The following HNRNPA3 variants were observed in gnomAD, a reference collection of about 807,000 sequenced individuals.
HNRNPA3 encodes heterogeneous nuclear ribonucleoprotein A3.
A neutral mutation model predicts 45.8 loss-of-function variants in HNRNPA3; 3 were observed. That is an observed-to-expected ratio of 0.07 (90% CI 0.03 to 0.17). The LOEUF (loss-of-function observed/expected upper bound fraction) is 0.17, where lower values mean the gene tolerates loss of function less well. Ranked by LOEUF, HNRNPA3 falls within the 10% of genes least tolerant of loss-of-function variation. The pLI, the probability that HNRNPA3 is intolerant of heterozygous loss-of-function variation, is 1.00. For synonymous variants in HNRNPA3, 170 were observed against 155.6 expected (o/e 1.09, Z -0.69); for missense variants, 183 against 480.3 (o/e 0.38, Z 5.79).
At chr2:177,212,892 G>T in intron 1 of HNRNPA3, 21 bp downstream of exon 1, 1 of 1,423,806 alleles carries the variant, frequency 7.0e-7, no homozygotes, top group Non-Finnish European at 9.4e-7. Context: ...GAGAGCGGGG[G>T]GTTGGTGGGG....
At chr2:177,215,685 G>C (rs758749490) in intron 2 of HNRNPA3, 24 bp downstream of exon 2, 1 of 1,613,510 alleles carries the variant, frequency 6.2e-7, no homozygotes, top group Non-Finnish European at 8.5e-7. Context: ...AGAACAGAAG[G>C]GTTCTAAGGG....
chr2:177,219,063 A>G (rs1320288729), exon 9 of HNRNPA3: 3 of 1,614,036 alleles, frequency 1.9e-6, no homozygotes, highest in Non-Finnish European at 2.5e-6. Flanking sequence ...TGGGAACTAT[A>G]ATGATTTTGG....
At chr2:177,216,682 G>C in exon 6 of HNRNPA3, 1 of 1,614,222 alleles carries the variant, frequency 6.2e-7, no homozygotes, top group Non-Finnish European at 8.5e-7. Context: ...AAAGGTCGTG[G>C]AGGTGGATCT....
At chr2:177,218,891 C>A in intron 8 of HNRNPA3, 146 bp from the exon 9 acceptor site, 2 of 907,552 alleles carry the variant, frequency 2.2e-6, no homozygotes, top group Non-Finnish European at 3.3e-6. Context: ...TTTTAATATC[C>A]TGACATCAGT....
chr2:177,220,340 C>T (rs1689134573), downstream of HNRNPA3: 1 of 152,938 alleles, frequency 6.5e-6, no homozygotes, highest in African/African-American at 2.4e-5. Flanking sequence ...CCCTCTCCTA[C>T]GTTAGAAACC....
intron 1 of HNRNPA3, among the ~76,000 whole-genome samples, chr2:177,214,713 T>G (rs1297520480): frequency 2.0e-5 from 3 of 152,146 alleles, no homozygotes; most frequent in Non-Finnish European, 4.4e-5. Flanking sequence ...GAAAATGGCG[T>G]GAACCCGGGA....
At chr2:177,214,725 G>A (rs557466914) in intron 1 of HNRNPA3, among the ~76,000 whole-genome samples, 1 of 152,340 alleles carries the variant, frequency 6.6e-6, no homozygotes, top group Non-Finnish European at 1.5e-5. Context: ...AACCCGGGAG[G>A]CGGAGGTTGC....
chr2:177,216,347 A>G (rs1472867751), intron 4 of HNRNPA3, among the ~76,000 whole-genome samples, 156 bp from the exon 5 acceptor site: 2 of 151,770 alleles, frequency 1.3e-5, no homozygotes, highest in Non-Finnish European at 2.9e-5. Flanking sequence ...ATCCAGATCA[A>G]GAAATAAACA....
At chr2:177,212,925 G>A in intron 1 of HNRNPA3, 54 bp downstream of exon 1, 2 of 1,188,652 alleles carry the variant, frequency 1.7e-6, no homozygotes, top group Non-Finnish European at 2.3e-6. Context: ...TGGGGGCCTG[G>A]TTCGGTGGGA....
chr2:177,220,486 C>T (rs1487774473), downstream of HNRNPA3: 1 of 153,912 alleles, frequency 6.5e-6, no homozygotes, highest in Non-Finnish European at 1.5e-5. Context: ...TTTTTTGATA[C>T]AAGTTTTCAG....
rs569372443 is a variant in HNRNPA3 at position 177,215,522 on chromosome 2, T to G, written c.73-17T>G. 1 of 1,613,464 alleles carries G rather than the reference T, an allele frequency of 6.2e-7. No homozygotes were observed. The highest frequency in any genetic ancestry group is 8.5e-7 in the Non-Finnish European group (1 of 1,179,522). On this transcript the variant is annotated splice_polypyrimidine_tract_variant and intron_variant, in intron 1 of 10. Coordinates refer to ENST00000392524, the Ensembl canonical transcript of HNRNPA3. ...TCTACTGTAAGGTAACTTAAGAGTATTGGTTCTTTCTCTCAGGGCCATGAT... is the reference window on the plus strand; with the variant it reads ...TCTACTGTAAGGTAACTTAAGAGTAGTGGTTCTTTCTCTCAGGGCCATGAT...
At chr2:177,212,920 G>T in intron 1 of HNRNPA3, 49 bp downstream of exon 1, 5 of 1,221,284 alleles carry the variant, frequency 4.1e-6, no homozygotes, top group Non-Finnish European at 4.4e-6. Context: ...GGCGTTGGGG[G>T]CCTGGTTCGG....
chr2:177,216,767 A>T, exon 6 of HNRNPA3: 1 of 1,614,166 alleles, frequency 6.2e-7, no homozygotes. Context: ...ACTTTGGTGG[A>T]AGAGGTAGGC....
chr2:177,222,714 T>C (rs1354597229), downstream of HNRNPA3: 4 of 152,488 alleles, frequency 2.6e-5, no homozygotes, highest in Admixed American at 6.5e-5. Flanking sequence ...TGCCTTGATA[T>C]CAGGCAGTCG....
intron 1 of HNRNPA3, 73 bp downstream of exon 1, chr2:177,212,944 G>GC: frequency 9.6e-7 from 1 of 1,047,106 alleles, no homozygotes; most frequent in Non-Finnish European, 1.3e-6. Context: ...GAGCGGGGAG[G>GC]CCGGGTGGAC....
chr2:177,218,052 C>CT (rs58476089), intron 8 of HNRNPA3, among the ~76,000 whole-genome samples: 3,216 of 101,836 alleles, frequency 0.032, 184 homozygotes, highest in East Asian at 0.085. Flanking sequence ...TCTCTTTTTT[C>CT]TTTTTTTTTT....
intron 8 of HNRNPA3, 142 bp from the exon 9 acceptor site, chr2:177,218,895 C>G (rs1157619814): frequency 8.5e-6 from 8 of 937,092 alleles, no homozygotes; most frequent in African/African-American, 1.7e-5. Context: ...AATATCCTGA[C>G]ATCAGTTACC....
chr2:177,215,557 C>A, exon 2 of HNRNPA3: 1 of 1,613,758 alleles, frequency 6.2e-7, no homozygotes, highest in Non-Finnish European at 8.5e-7. Flanking sequence ...TCCAAAGGAA[C>A]CAGAGCAGTT....
chr2:177,215,460 T>TAC (rs1688893112), intron 1 of HNRNPA3, 79 bp from the exon 2 acceptor site: 3 of 1,380,778 alleles, frequency 2.2e-6, no homozygotes, highest in Non-Finnish European at 3.1e-6. Flanking sequence ...TTTTATTACT[T>TAC]ACCGTACATT....
Sources: allele counts gnomAD v4.1 joint callset (sites outside exome capture counted in the v4.1 genomes callset), GRCh38; gene constraint gnomAD v4.1.1; transcripts MANE v1.5; gene names NCBI Gene and HGNC (gene_info 2026-07-23, HGNC 2026-07-21).